ACTR3C: variants seen among roughly 807,000 people sequenced by gnomAD.
The protein encoded by ACTR3C is actin-related protein 3C.
A neutral mutation model predicts 26.3 loss-of-function variants in ACTR3C; 18 were observed. The observed-to-expected ratio is 0.68, with a 90% confidence interval of 0.47 to 1.01. The LOEUF (loss-of-function observed/expected upper bound fraction) is 1.01, where lower values mean the gene tolerates loss of function less well. Among genes scored for constraint, ACTR3C ranks in the 50% least tolerant of loss-of-function variants. The pLI, the probability that ACTR3C is intolerant of heterozygous loss-of-function variation, is 0.00. For synonymous variants in ACTR3C, 55 were observed against 94.5 expected, an observed-to-expected ratio of 0.58 and a Z score of 2.42; for missense variants, 184 against 250.7, an observed-to-expected ratio of 0.73 and a Z score of 1.80.
the ACTR3C span, among the ~76,000 whole-genome samples, chr7:150,154,330 A>G: frequency 6.6e-6 from 1 of 152,140 alleles, no homozygotes; most frequent in African/African-American, 2.4e-5. Context: ...ATGCATGTAA[A>G]GACGTCTCTT....
the ACTR3C span, among the ~76,000 whole-genome samples, chr7:150,038,840 AGTGGGGG>A: frequency 7.4e-6 from 1 of 135,560 alleles, no homozygotes; most frequent in African/African-American, 2.9e-5. Flanking sequence ...CCTAAGAGCC[AGTGGGGG>A]AACCAGGGGC....
At chr7:150,020,967 C>T in the ACTR3C span, among the ~76,000 whole-genome samples, 128 of 152,032 alleles carry the variant, frequency 8.4e-4, 1 homozygote, top group South Asian at 4.2e-4. Context: ...ATTACAGGCA[C>T]CCGCCACCGT....
the ACTR3C span, among the ~76,000 whole-genome samples, chr7:150,195,123 G>GTATA: frequency 4.1e-3 from 544 of 133,442 alleles, 10 homozygotes; most frequent in South Asian, 0.063. Context: ...ATATATATAT[G>GTATA]TATATATATA....
the ACTR3C span, among the ~76,000 whole-genome samples, chr7:150,144,545 C>G: frequency 6.6e-6 from 1 of 151,744 alleles, no homozygotes; most frequent in Non-Finnish European, 1.5e-5. This position sits in a 1 kb window ranked among gnomAD's most constrained non-coding sequence, Gnocchi z 4.6. Flanking sequence ...ATTTTTTGTC[C>G]ACCACAGCCG....
chr7:150,148,088 TCATGA>T, the ACTR3C span, among the ~76,000 whole-genome samples: 1 of 139,032 alleles, frequency 7.2e-6, no homozygotes, highest in Non-Finnish European at 1.5e-5. Context: ...CAACAAACCC[TCATGA>T]CATGAGTTTA....
chr7:150,280,316 CCT>C (rs1201101067), intron 6 of ACTR3C, among the ~76,000 whole-genome samples: 1 of 152,186 alleles, frequency 6.6e-6, no homozygotes, highest in African/African-American at 2.4e-5. Context: ...AGGCCCCACC[CCT>C]GTCATTCCTG....
chr7:149,974,871 G>C, the ACTR3C span, among the ~76,000 whole-genome samples: 3 of 151,944 alleles, frequency 2.0e-5, no homozygotes, highest in African/African-American at 7.3e-5. Flanking sequence ...TAGTCAGTCC[G>C]TTGAAAGGTC....
the ACTR3C span, among the ~76,000 whole-genome samples, chr7:150,038,837 GC>G: frequency 7.3e-6 from 1 of 137,792 alleles, no homozygotes; most frequent in African/African-American, 2.9e-5. Flanking sequence ...GGTCCTAAGA[GC>G]CAGTGGGGGA....
At chr7:150,106,844 T>C in the ACTR3C span, among the ~76,000 whole-genome samples, 1 of 146,230 alleles carries the variant, frequency 6.8e-6, no homozygotes, top group Non-Finnish European at 1.5e-5. Context: ...ACAGGAGATG[T>C]ACTGGGTGGC....
At chr7:149,910,958 A>G in the ACTR3C span, among the ~76,000 whole-genome samples, 3 of 151,962 alleles carry the variant, frequency 2.0e-5, no homozygotes, top group Middle Eastern at 3.4e-3. Context: ...GAGACTCCTC[A>G]GGCCTACAAG....
the ACTR3C span, among the ~76,000 whole-genome samples, chr7:150,110,828 A>ATT: frequency 0.012 from 288 of 24,810 alleles, 2 homozygotes; most frequent in African/African-American, 0.04. Flanking sequence ...CAAGGCTGGC[A>ATT]GGGGGGTGGG....
chr7:150,145,336 C>T, the ACTR3C span, among the ~76,000 whole-genome samples: 1 of 152,150 alleles, frequency 6.6e-6, no homozygotes, highest in Admixed American at 6.5e-5. Flanking sequence ...GGAGAAAAGC[C>T]ACCAGCAGCA....
chr7:149,910,536 C>T, the ACTR3C span, among the ~76,000 whole-genome samples: 33 of 152,128 alleles, frequency 2.2e-4, no homozygotes, highest in East Asian at 4.5e-3. Flanking sequence ...GTAAGTAAAT[C>T]GAGAAGACTC....
chr7:149,973,088 C>T, the ACTR3C span, among the ~76,000 whole-genome samples: 1,768 of 151,942 alleles, frequency 0.012, 25 homozygotes, highest in African/African-American at 0.04. Context: ...GCCCCACGAG[C>T]GGGCAGCACA....
chr7:149,948,390 C>T, the ACTR3C span, among the ~76,000 whole-genome samples: 2 of 150,570 alleles, frequency 1.3e-5, no homozygotes, highest in Non-Finnish European at 2.9e-5. Flanking sequence ...TGCCTGCTCA[C>T]CTCATCGCTC....
the ACTR3C span, among the ~76,000 whole-genome samples, chr7:149,904,778 G>C: frequency 6.6e-6 from 1 of 150,658 alleles, no homozygotes; most frequent in Non-Finnish European, 1.5e-5. Flanking sequence ...GGAGGATCAT[G>C]AGGTCAGGAG....
At chr7:150,159,387 C>A in the ACTR3C span, among the ~76,000 whole-genome samples, 1 of 152,188 alleles carries the variant, frequency 6.6e-6, no homozygotes. Context: ...AGGCTTCTTT[C>A]AAGCCACAGG....
chr7:150,035,527 G>A, the ACTR3C span, among the ~76,000 whole-genome samples: 3 of 131,628 alleles, frequency 2.3e-5, no homozygotes, highest in Non-Finnish European at 3.4e-5. Flanking sequence ...ACTCTCGTGG[G>A]GGGTGCCTCC....
chr7:150,197,338 T>A, the ACTR3C span, among the ~76,000 whole-genome samples: 1 of 152,210 alleles, frequency 6.6e-6, no homozygotes, highest in East Asian at 1.9e-4. Context: ...ATTCACCTGT[T>A]ATTCCAGCTG....
Sources: allele counts gnomAD v4.1 joint callset (sites outside exome capture counted in the v4.1 genomes callset), GRCh38; gene constraint gnomAD v4.1.1; non-coding constraint Gnocchi (gnomAD v3.1); transcripts MANE v1.5; gene names NCBI Gene and HGNC (gene_info 2026-07-23, HGNC 2026-07-21).